The following SLC4A7 variants were observed in gnomAD, a reference collection of about 807,000 sequenced individuals.
SLC4A7 encodes sodium bicarbonate cotransporter 3.
Under a neutral mutation model 137.6 loss-of-function variants are expected in SLC4A7, and 51 were observed. That is an observed-to-expected ratio of 0.37 (90% CI 0.30 to 0.47). The LOEUF (loss-of-function observed/expected upper bound fraction) is 0.47. Ranked by LOEUF, SLC4A7 falls within the 20% of genes least tolerant of loss-of-function variation. The pLI is 1.00. For missense variants in SLC4A7, 1,247 were observed against 1,525.4 expected, an observed-to-expected ratio of 0.82 and a Z score of 3.04; for synonymous variants, 542 against 518.6, an observed-to-expected ratio of 1.05 and a Z score of -0.61.
At chr3:27,387,217 T>C (rs2051057611) in intron 22 of SLC4A7, among the ~76,000 whole-genome samples, 1 of 152,214 alleles carries the variant, frequency 6.6e-6, no homozygotes, top group South Asian at 2.1e-4. Context: ...CCAGGAATCC[T>C]TCTTAGTTAT....
At chr3:27,452,238 C>T (rs1207042271) in intron 2 of SLC4A7, among the ~76,000 whole-genome samples, 179 bp downstream of exon 2, 2 of 152,046 alleles carry the variant, frequency 1.3e-5, no homozygotes, top group Non-Finnish European at 2.9e-5. Flanking sequence ...TTTTGAGAAG[C>T]ATTATGAACT....
chr3:27,468,434 G>C lies in SLC4A7; in HGVS notation c.60+15633C>G, dbSNP rs116869045. ...GAAGATAATACATGATCTAAGCTGA[G>C]TGCAGTGATACACACCGGTCACACT... On this transcript the variant is annotated intron_variant, in intron 1 of 25. Transcript: ENST00000454389. 5.8e-4 allele frequency among the ~76,000 whole-genome samples: 88 copies of C among 152,286 alleles called. No homozygotes were observed. The East Asian group carries it at 0.016, about 28-fold the overall frequency.
At chr3:27,377,480 C>A (rs2050011827) in intron 25 of SLC4A7, among the ~76,000 whole-genome samples, 1 of 152,284 alleles carries the variant, frequency 6.6e-6, no homozygotes, top group South Asian at 2.1e-4. Context: ...GCAACCTCCA[C>A]CTCCCAGGTT....
At chr3:27,387,191 C>T (rs2051053126) in intron 22 of SLC4A7, among the ~76,000 whole-genome samples, 1 of 152,190 alleles carries the variant, frequency 6.6e-6, no homozygotes, top group South Asian at 2.1e-4. Context: ...GCAAAGCCCT[C>T]TATGCTCAAT....
intron 1 of SLC4A7, among the ~76,000 whole-genome samples, chr3:27,464,788 A>T (rs1437738738): frequency 1.3e-5 from 2 of 152,088 alleles, no homozygotes; most frequent in African/African-American, 2.4e-5. Flanking sequence ...ACAATTTACG[A>T]GCACTGGGAG....
chr3:27,418,430 A>C, intron 11 of SLC4A7, 56 bp downstream of exon 11: 2 of 1,437,222 alleles, frequency 1.4e-6, no homozygotes, highest in Non-Finnish European at 1.9e-6. Flanking sequence ...ACACCTAATC[A>C]AAAAAAATTT....
intron 4 of SLC4A7, among the ~76,000 whole-genome samples, chr3:27,437,143 G>T (rs2056799273): frequency 6.6e-6 from 1 of 152,116 alleles, no homozygotes; most frequent in East Asian, 1.9e-4. Context: ...CTGAGGTCAG[G>T]AGTTCGAGAC....
chr3:27,432,998 G>T (rs2150380709), intron 6 of SLC4A7, among the ~76,000 whole-genome samples: 1 of 152,206 alleles, frequency 6.6e-6, no homozygotes, highest in Admixed American at 6.5e-5. Flanking sequence ...ATTTTAAATG[G>T]ATTAAAAAGG....
intron 6 of SLC4A7, among the ~76,000 whole-genome samples, chr3:27,432,558 A>G (rs1190342169): frequency 1.3e-5 from 2 of 152,218 alleles, no homozygotes; most frequent in East Asian, 3.8e-4. Context: ...AAAAACATGC[A>G]AATACAATAT....
At chr3:27,404,769 CTAAGT>C (rs2150168565) in intron 14 of SLC4A7, 56 bp downstream of exon 14, 4 of 1,343,390 alleles carry the variant, frequency 3.0e-6, no homozygotes, top group Non-Finnish European at 3.1e-6. Context: ...TAATTCCCTT[CTAAGT>C]TAATAAACAA....
At chr3:27,459,972 TA>T in intron 1 of SLC4A7, among the ~76,000 whole-genome samples, 5 of 104,968 alleles carry the variant, frequency 4.8e-5, no homozygotes, top group Admixed American at 3.3e-4. Flanking sequence ...CAGTGTTATT[TA>T]TATATATATA....
chr3:27,440,048 T>G (rs551562079), intron 3 of SLC4A7, among the ~76,000 whole-genome samples: 1 of 152,324 alleles, frequency 6.6e-6, no homozygotes, highest in African/African-American at 2.4e-5. Flanking sequence ...GATGTTTAAG[T>G]TTTAAACCAA....
Position 27,484,248 on chromosome 3 carries a change from C to CGTGCGCGAGGT in SLC4A7, c.-133_-123dup. On this transcript the variant is annotated 5_prime_UTR_variant, in exon 1 of 26. Transcript: ENST00000454389. ...GCGCGAGGACAAACGTGGGTGCGTC[C>CGTGCGCGAGGT]GTGCGCGAGGTGTGCGCGCGTGGGG... 1 of 799,724 alleles carries CGTGCGCGAGGT rather than the reference C, an allele frequency of 1.3e-6. No homozygotes were observed. The highest frequency in any genetic ancestry group is 1.7e-6 in the Non-Finnish European group (1 of 599,438). 49.5% of individuals were successfully genotyped at this position (799,724 alleles called of 1,614,324 possible). A position where few individuals can be genotyped will look rare whatever the true frequency, so the allele number is the denominator to read the frequency against.
chr3:27,463,026 C>G (rs1343269124), intron 1 of SLC4A7, among the ~76,000 whole-genome samples: 1 of 152,232 alleles, frequency 6.6e-6, no homozygotes, highest in East Asian at 1.9e-4. Context: ...CAGTGGCTCA[C>G]GCCTGTAATC....
chr3:27,397,712 G>A lies in SLC4A7; in HGVS notation c.2675C>T (p.Pro892Leu). Residue 892 changes from proline to leucine, a missense_variant, in exon 18 of 26, where the codon CCT becomes CTT. Coordinates refer to ENST00000454389, the MANE Select transcript of SLC4A7 (RefSeq NM_001321103.2). ...AAATTTTTCAGGAACATGAAGTTTAGGAGATGGAACTCCTACAAGGTAGTC... is the reference window on the plus strand; with the variant it reads ...AAATTTTTCAGGAACATGAAGTTTAAGAGATGGAACTCCTACAAGGTAGTC... ...TIDYLVGVPS[P>L]KLHVPEKFEP... is the part of the protein sequence containing the mutation. 3.7e-6 allele frequency: 6 copies of A among 1,602,420 alleles called. No homozygotes were observed. Among genetic ancestry groups the A allele is most frequent in the Non-Finnish European group, 5.1e-6 (6 of 1,171,906 alleles).
At chr3:27,426,220 T>C (rs1356060310) in intron 7 of SLC4A7, among the ~76,000 whole-genome samples, 5 of 152,222 alleles carry the variant, frequency 3.3e-5, no homozygotes, top group Non-Finnish European at 7.3e-5. Context: ...TATTTAGCCA[T>C]GTGCTCACTT....
chr3:27,401,826 T>C (rs35904501), intron 15 of SLC4A7, among the ~76,000 whole-genome samples: 27,358 of 152,152 alleles, frequency 0.18, 2,877 homozygotes, highest in Non-Finnish European at 0.25. Flanking sequence ...ATAAAAGTCA[T>C]GCTTTATAAA....
chr3:27,448,638 TG>T lies in SLC4A7; in HGVS notation c.289+12del. 3 of 1,600,228 alleles carry T rather than the reference TG, an allele frequency of 1.9e-6. No individual in the cohort carries two copies. Among genetic ancestry groups the T allele is most frequent in the Non-Finnish European group, 2.6e-6 (3 of 1,174,220 alleles). ...GAACTTTAAACTGCTAAAGAAGAAC[TG>T]TTTTCTCTTACCATAAGAAGGAGAT... is the stretch of plus-strand genomic sequence containing the variant. On this transcript the variant is annotated intron_variant, in intron 3 of 25. Coordinates refer to ENST00000454389, the MANE Select transcript of SLC4A7 (RefSeq NM_001321103.2).
At chr3:27,480,883 C>A (rs2059678919) in intron 1 of SLC4A7, among the ~76,000 whole-genome samples, 1 of 152,158 alleles carries the variant, frequency 6.6e-6, no homozygotes, top group Non-Finnish European at 1.5e-5. Flanking sequence ...TGTGTTCACA[C>A]CATACGCCAA....
Sources: gnomAD v4.1 joint callset for allele counts (sites outside exome capture counted in the v4.1 genomes callset) on GRCh38, gnomAD v4.1.1 for gene constraint, MANE v1.5 for transcripts, NCBI Gene and HGNC (gene_info 2026-07-23, HGNC 2026-07-21) for gene names.